The following FBXL17 variants were observed in gnomAD, a reference collection of about 807,000 sequenced individuals.
FBXL17 encodes the protein F-box and leucine rich repeat protein 17.
In FBXL17, 22 loss-of-function variants were observed where a neutral mutation model predicts 66.2. The observed-to-expected ratio is 0.33, with a 90% confidence interval of 0.24 to 0.47. The LOEUF is 0.47. Ranked by LOEUF, FBXL17 falls within the 20% of genes least tolerant of loss-of-function variation. FBXL17 has a pLI of 1.00. For synonymous variants in FBXL17, 474 were observed against 400.5 expected, an observed-to-expected ratio of 1.18 and a Z score of -2.19; for missense variants, 878 against 948.2, an observed-to-expected ratio of 0.93 and a Z score of 0.97.
chr5:107,951,295 C>T, intron 7 of FBXL17, among the ~76,000 whole-genome samples: 1 of 152,190 alleles, frequency 6.6e-6, no homozygotes, highest in East Asian at 1.9e-4. Context: ...GAGAGAATAT[C>T]AGAAGACTTG....
At chr5:108,171,516 T>C (rs1752605316) in intron 6 of FBXL17, among the ~76,000 whole-genome samples, 1 of 152,218 alleles carries the variant, frequency 6.6e-6, no homozygotes, top group Non-Finnish European at 1.5e-5. Flanking sequence ...AATAACTTAA[T>C]GAATGAAAAA....
rs543064951 is a variant in FBXL17 at position 107,878,380 on chromosome 5, A to G, written c.1965+2657T>C. The G allele has an allele frequency of 4.1e-5, 32 of 788,842 alleles. No individual in the cohort carries two copies. The African/African-American group carries it at 5.4e-4, about 13-fold the overall frequency. 48.9% of individuals were successfully genotyped at this position (788,842 alleles called of 1,614,324 possible). ...ACTAATCAGTAACAGAGCATTTTAT[A>G]TATAATAGACATTATTCTAAGTGCT... On this transcript the variant is annotated intron_variant, in intron 8 of 8. Coordinates refer to ENST00000542267, the MANE Select transcript of FBXL17 (RefSeq NM_001163315.3).
intron 4 of FBXL17, among the ~76,000 whole-genome samples, chr5:108,284,133 T>C (rs1561506339): frequency 1.3e-5 from 2 of 151,972 alleles, no homozygotes; most frequent in Non-Finnish European, 2.9e-5. Flanking sequence ...TGGAGATTTC[T>C]CATAGAATTA....
At chr5:107,962,673 TA>T (rs995061956) in intron 7 of FBXL17, among the ~76,000 whole-genome samples, 3 of 151,942 alleles carry the variant, frequency 2.0e-5, no homozygotes, top group African/African-American at 7.3e-5. Flanking sequence ...GGGCAAGCGT[TA>T]AAAGTTTTTT....
chr5:108,019,475 T>A (rs1754504161), intron 7 of FBXL17, among the ~76,000 whole-genome samples: 1 of 152,062 alleles, frequency 6.6e-6, no homozygotes, highest in African/African-American at 2.4e-5. Flanking sequence ...TTATAAGGGA[T>A]TTACTATCCA....
At chr5:108,025,722 C>CGT (rs1300580206) in intron 6 of FBXL17, among the ~76,000 whole-genome samples, 3 of 119,502 alleles carry the variant, frequency 2.5e-5, no homozygotes, top group African/African-American at 1.1e-4. Context: ...CACACACGCG[C>CGT]GCGCGCACAC....
In FBXL17 at chr5:107,861,595, A is replaced by G; in HGVS notation, c.*125T>C. ...TATGCAGTATGCAAACAAGACACAA[A>G]TACACATACTTGAACACACACAGAC... is the stretch of plus-strand genomic sequence containing the variant. On this transcript the variant is annotated 3_prime_UTR_variant, in exon 9 of 9. Coordinates refer to ENST00000542267, the MANE Select transcript of FBXL17 (RefSeq NM_001163315.3). 1.1e-6 allele frequency: 1 copy of G among 874,176 alleles called. No individual in the cohort carries two copies. Among genetic ancestry groups the G allele is most frequent in the Non-Finnish European group, 1.5e-6 (1 of 648,012 alleles). The allele number at this position is 874,176 out of a possible 1,614,324, so 54.2% of individuals were successfully genotyped here.
chr5:107,953,246 CA>C (rs1414075196), intron 7 of FBXL17, among the ~76,000 whole-genome samples: 2 of 151,178 alleles, frequency 1.3e-5, no homozygotes, highest in Admixed American at 6.6e-5. Flanking sequence ...ACTAAAAATA[CA>C]AAAAAAATTA....
chr5:108,080,772 C>T (rs543039902), intron 6 of FBXL17, among the ~76,000 whole-genome samples: 60 of 152,138 alleles, frequency 3.9e-4, no homozygotes, highest in African/African-American at 1.4e-3. Context: ...TATTATCTAA[C>T]GACATGGAAT....
intron 6 of FBXL17, among the ~76,000 whole-genome samples, chr5:108,100,880 T>C (rs943329942): frequency 4.6e-5 from 7 of 152,228 alleles, no homozygotes; most frequent in Non-Finnish European, 8.8e-5. Flanking sequence ...GGAATTGAGA[T>C]GTACTGAGAC....
intron 7 of FBXL17, among the ~76,000 whole-genome samples, chr5:107,896,860 T>A (rs1015132070): frequency 3.2e-4 from 48 of 152,230 alleles, no homozygotes; most frequent in Non-Finnish European, 7.4e-5. Flanking sequence ...TTTGGCATTT[T>A]TTTTGTGAAA....
At chr5:107,908,997 T>C (rs987813307) in intron 7 of FBXL17, among the ~76,000 whole-genome samples, 4 of 152,126 alleles carry the variant, frequency 2.6e-5, no homozygotes, top group African/African-American at 4.8e-5. Context: ...TCGTGATAGA[T>C]TGTGCCCCAT....
At chr5:108,318,358 T>C (rs1470558815) in intron 4 of FBXL17, among the ~76,000 whole-genome samples, 2 of 149,432 alleles carry the variant, frequency 1.3e-5, no homozygotes, top group African/African-American at 4.9e-5. Flanking sequence ...TCCTATTACA[T>C]ACTTTACACT....
chr5:107,934,702 G>A (rs1171848176), intron 7 of FBXL17, among the ~76,000 whole-genome samples: 1 of 152,084 alleles, frequency 6.6e-6, no homozygotes, highest in Admixed American at 6.6e-5. Flanking sequence ...GGTGGAGAGG[G>A]AGAATCCCAG....
intron 7 of FBXL17, among the ~76,000 whole-genome samples, chr5:107,886,131 G>A (rs1748963562): frequency 6.6e-6 from 1 of 152,124 alleles, no homozygotes; most frequent in Non-Finnish European, 1.5e-5. Context: ...AGAACTGTAA[G>A]CAAACAAATA....
At chr5:108,104,476 T>C (rs1749715375) in intron 6 of FBXL17, among the ~76,000 whole-genome samples, 1 of 152,242 alleles carries the variant, frequency 6.6e-6, no homozygotes, top group Non-Finnish European at 1.5e-5. Flanking sequence ...AAGTATAGGC[T>C]CAAAATGTCC....
At chr5:108,324,862 A>C (rs74468054) in intron 4 of FBXL17, among the ~76,000 whole-genome samples, 2,501 of 152,220 alleles carry the variant, frequency 0.016, 66 homozygotes, top group African/African-American at 0.057. Flanking sequence ...CATTAAGCTA[A>C]ATGAAGTAAG....
chr5:107,864,980 C>T (rs1748232035), intron 8 of FBXL17, among the ~76,000 whole-genome samples: 1 of 152,128 alleles, frequency 6.6e-6, no homozygotes, highest in Non-Finnish European at 1.5e-5. Flanking sequence ...CAAAAGCATG[C>T]AGGTTTCACT....
chr5:108,356,784 T>C (rs1179510321), intron 3 of FBXL17, among the ~76,000 whole-genome samples: 1 of 152,040 alleles, frequency 6.6e-6, no homozygotes, highest in East Asian at 1.9e-4. Flanking sequence ...TCATAGAATG[T>C]ACAATACCAA....
Sources: gnomAD v4.1 joint callset for allele counts (sites outside exome capture counted in the v4.1 genomes callset) on GRCh38, gnomAD v4.1.1 for gene constraint, MANE v1.5 for transcripts, NCBI Gene and HGNC (gene_info 2026-07-23, HGNC 2026-07-21) for gene names.